Variants in CR1L observed in about 807,000 individuals in gnomAD.
CR1L encodes complement C3b/C4b receptor 1 like, also known as complement component receptor 1-like protein.
A neutral mutation model predicts 62.3 loss-of-function variants in CR1L; 59 were observed. That is an observed-to-expected ratio of 0.95 (90% CI 0.77 to 1.18). The LOEUF (loss-of-function observed/expected upper bound fraction) is 1.18, where lower values mean the gene tolerates loss of function less well. Among genes scored for constraint, CR1L ranks in the 50% most tolerant of loss-of-function variants. The pLI, the probability that CR1L is intolerant of heterozygous loss-of-function variation, is 0.00. For synonymous variants in CR1L, 279 were observed against 248.7 expected (o/e 1.12, Z -1.15); for missense variants, 700 against 702.8 (o/e 1.00, Z 0.04).
At chr1:207,666,068 G>A (rs1017308931) in intron 1 of CR1L, among the ~76,000 whole-genome samples, 5 of 152,166 alleles carry the variant, frequency 3.3e-5, no homozygotes, top group Admixed American at 6.5e-5. Context: ...GAGCTAACAC[G>A]TGTACTGAAA....
chr1:207,658,234 G>A (rs1333651155), intron 1 of CR1L, among the ~76,000 whole-genome samples: 1 of 150,464 alleles, frequency 6.6e-6, no homozygotes, highest in Non-Finnish European at 1.5e-5. Flanking sequence ...AAAAAGAAGA[G>A]CAAATTAAAT....
At chr1:207,662,046 T>G (rs571155075) in intron 1 of CR1L, among the ~76,000 whole-genome samples, 3 of 152,368 alleles carry the variant, frequency 2.0e-5, no homozygotes, top group African/African-American at 7.2e-5. Context: ...CCTTTGTGGG[T>G]AACCCGACCT....
At chr1:207,659,678 GGCAAGCTGAA>G (rs778389122) in intron 1 of CR1L, among the ~76,000 whole-genome samples, 18 of 152,276 alleles carry the variant, frequency 1.2e-4, no homozygotes, top group Non-Finnish European at 2.2e-4. Context: ...GCCCATGGAG[GGCAAGCTGAA>G]GCAGAGCGGG....
chr1:207,646,624 T>A lies in CR1L; in HGVS notation c.97+1294T>A, dbSNP rs1156282973. ...TACTCCAGAGGCTGAGGTGGGAGGA[T>A]CGCTTGAGCCCAGGAGGAGAAGACT... On this transcript the variant is annotated intron_variant, in intron 1 of 11. Coordinates refer to ENST00000508064, the MANE Select transcript of CR1L (RefSeq NM_175710.2). Among the ~76,000 whole-genome samples, 4 of 143,996 alleles carry A rather than the reference T, an allele frequency of 2.8e-5. No individual in the cohort carries two copies. In the Admixed American group the frequency reaches 3.0e-4, roughly 11 times the overall value. 94.5% of individuals were successfully genotyped at this position (143,996 alleles called of 152,430 possible).
intron 10 of CR1L, chr1:207,710,727 C>A (rs554477080): frequency 2.5e-6 from 4 of 1,609,660 alleles, no homozygotes; most frequent in Non-Finnish European, 2.5e-6. Flanking sequence ...CCCCCCGCAC[C>A]GTGTGCAATG....
intron 1 of CR1L, among the ~76,000 whole-genome samples, chr1:207,650,056 T>C (rs1663198836): frequency 6.6e-6 from 1 of 152,126 alleles, no homozygotes; most frequent in South Asian, 2.1e-4. Flanking sequence ...AAGTGGCTCT[T>C]GGGCCTCCCT....
intron 4 of CR1L, among the ~76,000 whole-genome samples, chr1:207,685,650 C>T (rs1003066825): frequency 3.9e-5 from 6 of 152,150 alleles, no homozygotes; most frequent in African/African-American, 1.2e-4. Context: ...TTCAGAGAAC[C>T]CAGTTCAATG....
intron 3 of CR1L, among the ~76,000 whole-genome samples, chr1:207,681,396 A>G (rs1476925874): frequency 2.0e-5 from 3 of 152,182 alleles, no homozygotes; most frequent in Non-Finnish European, 4.4e-5. Flanking sequence ...GTTTAAATGG[A>G]TATGAGAGTC....
chr1:207,717,414 A>G (rs1232844500), intron 10 of CR1L, 50 bp from the exon 11 acceptor site: 17 of 1,579,346 alleles, frequency 1.1e-5, no homozygotes, highest in African/African-American at 2.7e-5. Context: ...TATTTCAGTC[A>G]TCTTAAGTGA....
At chr1:207,690,779 C>T (rs777218841) in intron 4 of CR1L, among the ~76,000 whole-genome samples, 1 of 152,212 alleles carries the variant, frequency 6.6e-6, no homozygotes, top group Admixed American at 6.5e-5. Context: ...CCAGTGGCTG[C>T]TGGCAATCGT....
At chr1:207,660,303 C>G (rs1663390133) in intron 1 of CR1L, among the ~76,000 whole-genome samples, 2 of 152,190 alleles carry the variant, frequency 1.3e-5, no homozygotes, top group Admixed American at 1.3e-4. Context: ...AGGTGGGTGC[C>G]CCTCTAGGAT....
intron 10 of CR1L, among the ~76,000 whole-genome samples, chr1:207,708,682 G>A (rs1664308029): frequency 6.6e-6 from 1 of 152,210 alleles, no homozygotes; most frequent in Admixed American, 6.5e-5. Flanking sequence ...TGTCTAAACA[G>A]GATCATGCCA....
chr1:207,678,352 C>A, intron 3 of CR1L, 55 bp downstream of exon 3: 1 of 1,443,252 alleles, frequency 6.9e-7, no homozygotes, highest in Non-Finnish European at 9.7e-7. Context: ...CTAACACAGC[C>A]ATACTACCTT....
At chr1:207,677,147 C>A (rs1205018496) in intron 1 of CR1L, among the ~76,000 whole-genome samples, 1 of 151,480 alleles carries the variant, frequency 6.6e-6, no homozygotes, top group East Asian at 1.9e-4. Flanking sequence ...CACGGTGAAA[C>A]CTTGTTTCTA....
intron 1 of CR1L, 27 bp from the exon 2 acceptor site, chr1:207,677,362 C>A: frequency 2.5e-6 from 3 of 1,217,910 alleles, no homozygotes; most frequent in East Asian, 2.8e-5. Context: ...CCATTAACTT[C>A]GATGCTGCTG....
At chr1:207,687,203 A>G (rs1287277881) in intron 4 of CR1L, among the ~76,000 whole-genome samples, 1 of 152,154 alleles carries the variant, frequency 6.6e-6, no homozygotes, top group Non-Finnish European at 1.5e-5. Context: ...GTAGTGTTTC[A>G]TATATTTGCT....
Position 207,676,592 on chromosome 1 carries a change from C to T in CR1L, c.98-797C>T, listed in dbSNP as rs149988050. ...CACGTAAAAATTGTCTTCCACAAAACGAGTCTCAGGTGCCAAAAAGATTGG... is the reference window on the plus strand; with the variant it reads ...CACGTAAAAATTGTCTTCCACAAAATGAGTCTCAGGTGCCAAAAAGATTGG... On this transcript the variant is annotated intron_variant, in intron 1 of 11. Coordinates refer to ENST00000508064, the MANE Select transcript of CR1L (RefSeq NM_175710.2). 6.1e-3 allele frequency among the ~76,000 whole-genome samples: 924 copies of T among 152,232 alleles called. 7 individuals carry two copies. Among genetic ancestry groups the T allele is most frequent in the African/African-American group, 0.021 (868 of 41,520 alleles).
rs1299155895 is a variant in CR1L at position 207,697,814 on chromosome 1, T to C, written c.1083T>C (p.His361=). The C allele has an allele frequency of 6.2e-7, 1 of 1,614,050 alleles. No homozygotes were observed. Among genetic ancestry groups the C allele is most frequent in the Non-Finnish European group, 8.5e-7 (1 of 1,179,902 alleles). ...TCCTGGGCCAACTTCCTAATGGCCATGTGCTATTTCCACTTAATCTCCAGC... is the reference window on the plus strand; with the variant it reads ...TCCTGGGCCAACTTCCTAATGGCCACGTGCTATTTCCACTTAATCTCCAGC... ...DDFLGQLPNG[H]VLFPLNLQLG... Residue 361 remains histidine, a synonymous_variant, in exon 7 of 12, where the codon CAT becomes CAC. Coordinates refer to ENST00000508064, the MANE Select transcript of CR1L (RefSeq NM_175710.2).
At chr1:207,707,307 C>T (rs1664282078) in intron 9 of CR1L, among the ~76,000 whole-genome samples, 2 of 152,106 alleles carry the variant, frequency 1.3e-5, no homozygotes, top group Admixed American at 6.6e-5. Flanking sequence ...CATGGGACAT[C>T]GTGAAATCAT....
Sources: gnomAD v4.1 joint callset for allele counts (sites outside exome capture counted in the v4.1 genomes callset) on GRCh38, gnomAD v4.1.1 for gene constraint, MANE v1.5 for transcripts, NCBI Gene and HGNC (gene_info 2026-07-23, HGNC 2026-07-21) for gene names.